The following CHN1 variants were observed in gnomAD, a reference collection of about 807,000 sequenced individuals.
CHN1 encodes the protein chimerin 1.
CHN1 carries 37 observed loss-of-function variants against 59.5 expected under a neutral mutation model. The ratio of observed to expected loss-of-function variants is 0.62; its 90% confidence interval spans 0.48 to 0.82. CHN1 has a LOEUF of 0.82. CHN1 is among the 40% of genes least tolerant of loss of function. The pLI, the probability that CHN1 is intolerant of heterozygous loss-of-function variation, is 0.00. For synonymous variants in CHN1, 206 were observed against 200.4 expected (o/e 1.03, Z -0.24); for missense variants, 469 against 571.0 (o/e 0.82, Z 1.82).
At chr2:174,923,970 A>G (rs1450280219) in intron 3 of CHN1, among the ~76,000 whole-genome samples, 2 of 152,208 alleles carry the variant, frequency 1.3e-5, no homozygotes, top group African/African-American at 4.8e-5. Flanking sequence ...CTGTATTTTT[A>G]TAATTGAAAT....
chr2:174,963,884 G>A lies in CHN1; in HGVS notation c.20-11682C>T, dbSNP rs368323657. 1.2e-4 allele frequency among the ~76,000 whole-genome samples: 19 copies of A among 152,260 alleles called. No homozygotes were observed. In the South Asian group the frequency reaches 3.7e-3, roughly 30 times the overall value. On this transcript the variant is annotated intron_variant, in intron 1 of 12. Transcript: ENST00000409900. Reference sequence around the variant, plus strand: ...CAGGTGGCAGCAAGGCCTGGGAAAGGGGAGAGAAGCTTCATGTCTAAGCTA... The same window carrying A: ...CAGGTGGCAGCAAGGCCTGGGAAAGAGGAGAGAAGCTTCATGTCTAAGCTA...
rs559983882 is a variant in CHN1, at chr2:174,801,596, C to T, written c.1208+111G>A. On this transcript the variant is annotated intron_variant, in intron 12 of 12. Transcript: ENST00000409900. Reference sequence around the variant, plus strand: ...TTTCACAAAAGACAATATAGCTATGCATTTATTTATTCATTCAATAGATTA... The same window carrying T: ...TTTCACAAAAGACAATATAGCTATGTATTTATTTATTCATTCAATAGATTA... The T allele has an allele frequency of 8.7e-5, 63 of 723,094 alleles. No individual in the cohort carries two copies. The South Asian group carries it at 1.1e-3, about 12-fold the overall frequency. 44.8% of individuals were successfully genotyped at this position (723,094 alleles called of 1,614,324 possible). A position where few individuals can be genotyped will look rare whatever the true frequency, so the allele number is the denominator to read the frequency against.
rs533362624 is a variant in CHN1, at chr2:174,842,567, C to A, written c.627+4313G>T. Among the ~76,000 whole-genome samples the A allele has an allele frequency of 3.7e-4, 57 of 152,256 alleles. No individual in the cohort carries two copies. The South Asian group carries it at 0.011, about 30-fold the overall frequency. On this transcript the variant is annotated intron_variant, in intron 7 of 12. Transcript: ENST00000409900. Reference sequence around the variant, plus strand: ...ATATTAAAATTATTATTTGTTCATTCATTTTGTATTAATTTTATTATAAAT... The same window carrying A: ...ATATTAAAATTATTATTTGTTCATTAATTTTGTATTAATTTTATTATAAAT...
intron 7 of CHN1, among the ~76,000 whole-genome samples, chr2:174,846,025 C>G (rs997550684): frequency 5.3e-5 from 8 of 152,112 alleles, no homozygotes; most frequent in African/African-American, 1.7e-4. Context: ...TAAGAACATT[C>G]ATGTCTCAAG....
chr2:174,804,841 C>T (rs546278760), intron 11 of CHN1, among the ~76,000 whole-genome samples: 2 of 152,302 alleles, frequency 1.3e-5, no homozygotes, highest in South Asian at 4.1e-4. Context: ...GTGGATTAAT[C>T]TGGTGTTCAG....
At chr2:174,818,364 T>C (rs1169107057) in intron 8 of CHN1, among the ~76,000 whole-genome samples, 1 of 152,200 alleles carries the variant, frequency 6.6e-6, no homozygotes, top group Non-Finnish European at 1.5e-5. Flanking sequence ...TTTATACACT[T>C]ACATTCACAG....
At chr2:174,936,999 C>T (rs1353924559) in intron 3 of CHN1, among the ~76,000 whole-genome samples, 2 of 152,074 alleles carry the variant, frequency 1.3e-5, no homozygotes, top group South Asian at 2.1e-4. Flanking sequence ...TTAGTGTCCA[C>T]AATAGCAACT....
At chr2:174,919,037 T>C (rs984383040) in intron 3 of CHN1, among the ~76,000 whole-genome samples, 1 of 152,074 alleles carries the variant, frequency 6.6e-6, no homozygotes, top group African/African-American at 2.4e-5. Flanking sequence ...TATCAGGGCA[T>C]GTGTGTTGGC....
rs573477078 is a variant in CHN1, at chr2:174,915,599, T to C, written c.147-428A>G. Among the ~76,000 whole-genome samples, 8 of 152,324 alleles carry C rather than the reference T, an allele frequency of 5.3e-5. No homozygotes were observed. The South Asian group carries it at 8.3e-4, about 16-fold the overall frequency. ...CTCCAAAATTTTGGCTGAGTCTATG[T>C]TGGCAATTTTCCAGGACCCTGGGTT... is the stretch of plus-strand genomic sequence containing the variant. On this transcript the variant is annotated intron_variant, in intron 4 of 12. Coordinates refer to ENST00000409900, the MANE Select transcript of CHN1 (RefSeq NM_001822.7).
At chr2:174,883,866 T>A (rs1481442317) in intron 5 of CHN1, among the ~76,000 whole-genome samples, 3 of 149,586 alleles carry the variant, frequency 2.0e-5, no homozygotes, top group Non-Finnish European at 3.0e-5. Context: ...AAAGTTTTTT[T>A]AAAAAAGTTG....
intron 1 of CHN1, among the ~76,000 whole-genome samples, chr2:174,953,681 A>G (rs1690098348): frequency 6.6e-6 from 1 of 152,170 alleles, no homozygotes; most frequent in South Asian, 2.1e-4. Context: ...AGCTGCAAAA[A>G]ACAAACAAAA....
rs541156576 is a variant in CHN1 at position 174,986,223 on chromosome 2, G to A, written c.19+18671C>T. Reference sequence around the variant, plus strand: ...AAATTTAAAAAGCACCTACTCAGCAGAGAAGTTAGAATTACTCTCCTAATT... The same window carrying A: ...AAATTTAAAAAGCACCTACTCAGCAAAGAAGTTAGAATTACTCTCCTAATT... On this transcript the variant is annotated intron_variant, in intron 1 of 12. Transcript: ENST00000409900. Among the ~76,000 whole-genome samples the A allele has an allele frequency of 5.3e-5, 8 of 152,210 alleles. No individual in the cohort carries two copies. In the East Asian group the frequency reaches 1.5e-3, roughly 29 times the overall value.
chr2:174,921,498 T>C (rs1021410000), intron 3 of CHN1, among the ~76,000 whole-genome samples: 3 of 152,174 alleles, frequency 2.0e-5, no homozygotes, highest in African/African-American at 4.8e-5. Flanking sequence ...ATTTTTAATA[T>C]GTGTTCATTT....
chr2:174,903,327 A>G (rs542325086), intron 5 of CHN1, among the ~76,000 whole-genome samples: 40 of 152,256 alleles, frequency 2.6e-4, no homozygotes, highest in Non-Finnish European at 5.6e-4. Context: ...GCACAACTAT[A>G]TAGTCAGGCA....
At chr2:174,931,131 GGC>G (rs1015797262) in intron 3 of CHN1, among the ~76,000 whole-genome samples, 1 of 113,532 alleles carries the variant, frequency 8.8e-6, no homozygotes, top group African/African-American at 3.8e-5. Flanking sequence ...AGAAATATAT[GGC>G]AAAAAAAAAA....
intron 6 of CHN1, among the ~76,000 whole-genome samples, chr2:174,849,496 G>A (rs1266288992): frequency 1.3e-5 from 2 of 152,118 alleles, no homozygotes; most frequent in Non-Finnish European, 2.9e-5. Context: ...GGCAGTAACT[G>A]CACTTCTGCA....
chr2:174,936,320 G>C (rs1689493873), intron 3 of CHN1, among the ~76,000 whole-genome samples: 2 of 152,142 alleles, frequency 1.3e-5, no homozygotes, highest in Non-Finnish European at 2.9e-5. Flanking sequence ...TCCACTTTGA[G>C]GGTCCATGTT....
chr2:174,951,481 A>G (rs1374335310), intron 2 of CHN1, among the ~76,000 whole-genome samples: 1 of 152,218 alleles, frequency 6.6e-6, no homozygotes, highest in Non-Finnish European at 1.5e-5. Context: ...ACAACGAACA[A>G]GAACTTATAG....
intron 5 of CHN1, among the ~76,000 whole-genome samples, chr2:174,886,289 C>T (rs189703955): frequency 1.7e-3 from 263 of 152,240 alleles, no homozygotes; most frequent in African/African-American, 6.0e-3. Flanking sequence ...ATGTGGAATA[C>T]AATTTAACAT....
Sources: allele counts gnomAD v4.1 joint callset (sites outside exome capture counted in the v4.1 genomes callset), GRCh38; gene constraint gnomAD v4.1.1; transcripts MANE v1.5; gene names NCBI Gene and HGNC (gene_info 2026-07-23, HGNC 2026-07-21).